Variants in FAM20A observed in about 807,000 individuals in gnomAD.
FAM20A encodes the protein FAM20A golgi associated secretory pathway pseudokinase, also known as pseudokinase FAM20A.
FAM20A carries 42 observed loss-of-function variants against 52.0 expected under a neutral mutation model. The observed-to-expected ratio is 0.81, with a 90% CI of 0.63 to 1.04. The LOEUF (loss-of-function observed/expected upper bound fraction) is 1.04, where lower values mean the gene tolerates loss of function less well. Ranked by LOEUF, FAM20A falls within the 50% of genes least tolerant of loss-of-function variation. The pLI is 0.00. For missense variants in FAM20A, 742 were observed against 712.7 expected (o/e 1.04, Z -0.47); for synonymous variants, 304 against 298.9 (o/e 1.02, Z -0.18).
At chr17:68,596,500 C>A (rs2088456461) in intron 1 of FAM20A, among the ~76,000 whole-genome samples, 1 of 152,200 alleles carries the variant, frequency 6.6e-6, no homozygotes, top group Non-Finnish European at 1.5e-5. Flanking sequence ...CTGACTTGGG[C>A]AGCTTGTGGG....
intron 10 of FAM20A, 49 bp downstream of exon 10, chr17:68,539,288 A>T: frequency 1.3e-6 from 2 of 1,596,960 alleles, no homozygotes; most frequent in Non-Finnish European, 8.6e-7. Context: ...AGCAGCATGA[A>T]GGGTCACAAC....
intron 1 of FAM20A, among the ~76,000 whole-genome samples, chr17:68,584,354 A>C (rs200987689): frequency 0.16 from 23,849 of 146,266 alleles, 2,087 homozygotes; most frequent in East Asian, 0.28. Context: ...AAACAAAAAA[A>C]AAACCCAAAC....
intron 1 of FAM20A, among the ~76,000 whole-genome samples, chr17:68,584,197 A>G (rs58284308): frequency 0.049 from 7,347 of 151,102 alleles, 588 homozygotes; most frequent in African/African-American, 0.17. Context: ...CACGCCTGTA[A>G]TCCCAGCTAC....
chr17:68,580,857 C>T (rs184019619), intron 1 of FAM20A, among the ~76,000 whole-genome samples: 4 of 152,222 alleles, frequency 2.6e-5, no homozygotes, highest in Admixed American at 2.6e-4. Flanking sequence ...TTATTATTAC[C>T]ACCATTGTAA....
At chr17:68,596,150 G>T (rs1328894964) in intron 1 of FAM20A, among the ~76,000 whole-genome samples, 1 of 152,030 alleles carries the variant, frequency 6.6e-6, no homozygotes, top group Non-Finnish European at 1.5e-5. Flanking sequence ...TTCAGTGACA[G>T]CAATAGGTAG....
At chr17:68,591,649 T>G (rs1050649157) in intron 1 of FAM20A, 1 of 152,272 alleles carries the variant, frequency 6.6e-6, no homozygotes, top group Non-Finnish European at 1.5e-5. Context: ...GCCTGAAGGC[T>G]GAACAACCGG....
chr17:68,568,251 C>T (rs887680126), intron 1 of FAM20A, among the ~76,000 whole-genome samples: 25 of 151,772 alleles, frequency 1.6e-4, no homozygotes, highest in Admixed American at 2.6e-4. Flanking sequence ...AGGCGGATCA[C>T]GAGGTCAGGA....
chr17:68,579,023 A>C (rs527986140), intron 1 of FAM20A, among the ~76,000 whole-genome samples: 17 of 151,644 alleles, frequency 1.1e-4, no homozygotes, highest in African/African-American at 2.9e-4. Flanking sequence ...CAAAAAAAAA[A>C]AAAAAACATG....
intron 1 of FAM20A, among the ~76,000 whole-genome samples, chr17:68,596,826 C>T (rs1447998884): frequency 6.6e-6 from 1 of 152,104 alleles, no homozygotes; most frequent in Non-Finnish European, 1.5e-5. Flanking sequence ...TCCCTAATTA[C>T]ATTTTTAACT....
chr17:68,579,405 G>C (rs555601743), intron 1 of FAM20A, among the ~76,000 whole-genome samples: 1 of 152,176 alleles, frequency 6.6e-6, no homozygotes, highest in South Asian at 2.1e-4. Context: ...TGAGGGGCTT[G>C]GGGTAAGGAG....
chr17:68,545,669 G>C (rs572802433), intron 4 of FAM20A, among the ~76,000 whole-genome samples: 2 of 152,162 alleles, frequency 1.3e-5, no homozygotes, highest in African/African-American at 2.4e-5. Context: ...TGTATCTGTA[G>C]CACGCAATGC....
intron 1 of FAM20A, among the ~76,000 whole-genome samples, chr17:68,570,644 C>T (rs1389328720): frequency 6.6e-6 from 1 of 152,200 alleles, no homozygotes; most frequent in African/African-American, 2.4e-5. Context: ...CTGGGGCTTT[C>T]CTGAGTTAGG....
rs2087711751 is a variant in FAM20A, at chr17:68,575,503, A to G, written c.405-19760T>C. Among the ~76,000 whole-genome samples, 6 of 94,868 alleles carry G rather than the reference A, an allele frequency of 6.3e-5. No homozygotes were observed. The South Asian group carries it at 2.0e-3, about 31-fold the overall frequency. The allele number at this position is 94,868 out of a possible 152,430, so 62.2% of individuals were successfully genotyped here. A position where few individuals can be genotyped will look rare whatever the true frequency, so the allele number is the denominator to read the frequency against. ...ATATATTATATATTATAGATATTAG[A>G]TATTATATATTTTATATATTATATA... On this transcript the variant is annotated intron_variant, in intron 1 of 10. Coordinates refer to ENST00000592554, the MANE Select transcript of FAM20A (RefSeq NM_017565.4).
intron 1 of FAM20A, among the ~76,000 whole-genome samples, chr17:68,587,844 C>T (rs527277935): frequency 4.6e-5 from 7 of 152,176 alleles, no homozygotes; most frequent in African/African-American, 1.7e-4. Context: ...TCACAAGTGC[C>T]CTGTAGATAA....
chr17:68,581,420 CTCTTT>C (rs1356031600), intron 1 of FAM20A, among the ~76,000 whole-genome samples: 35 of 47,848 alleles, frequency 7.3e-4, no homozygotes, highest in Non-Finnish European at 1.3e-3. Context: ...CTTTCTTTTT[CTCTTT>C]TCTTTCTTTC....
chr17:68,572,022 ATATATAT>A (rs1568762662), intron 1 of FAM20A, among the ~76,000 whole-genome samples: 2 of 118,520 alleles, frequency 1.7e-5, no homozygotes, highest in Non-Finnish European at 3.4e-5. Flanking sequence ...ATATATATAT[ATATATAT>A]ATATATATAT....
intron 6 of FAM20A, 107 bp from the exon 7 acceptor site, chr17:68,542,272 A>G: frequency 8.3e-7 from 1 of 1,207,324 alleles, no homozygotes; most frequent in Non-Finnish European, 1.2e-6. Context: ...CTGAACTCAC[A>G]GCTCGGGAAG....
At chr17:68,582,576 T>C (rs2088038450) in intron 1 of FAM20A, 2 of 152,150 alleles carry the variant, frequency 1.3e-5, no homozygotes, top group Admixed American at 6.5e-5. Flanking sequence ...CATAATCAAC[T>C]AGCAGTGGTC....
chr17:68,577,668 G>A (rs1221777408), intron 1 of FAM20A, among the ~76,000 whole-genome samples: 2 of 152,148 alleles, frequency 1.3e-5, no homozygotes, highest in Non-Finnish European at 2.9e-5. Context: ...TCTGATGATG[G>A]CCTGAAAATT....
Sources: gnomAD v4.1 joint callset for allele counts (sites outside exome capture counted in the v4.1 genomes callset) on GRCh38, gnomAD v4.1.1 for gene constraint, MANE v1.5 for transcripts, NCBI Gene and HGNC (gene_info 2026-07-23, HGNC 2026-07-21) for gene names.